The following GALM variants were observed in gnomAD, a reference collection of about 807,000 sequenced individuals.
The protein encoded by GALM is galactose mutarotase.
A neutral mutation model predicts 37.4 loss-of-function variants in GALM; 43 were observed. The observed-to-expected ratio is 1.15, with a 90% confidence interval of 0.90 to 1.48. GALM has a LOEUF of 1.48. GALM is among the 40% of genes most tolerant of loss of function. The pLI is 0.00. For synonymous variants in GALM, 199 were observed against 170.6 expected (o/e 1.17, Z -1.30); for missense variants, 456 against 419.1 (o/e 1.09, Z -0.77).
chr2:38,696,889 A>G (rs1665820429), intron 4 of GALM, among the ~76,000 whole-genome samples: 1 of 142,108 alleles, frequency 7.0e-6, no homozygotes, highest in Non-Finnish European at 1.5e-5. Context: ...TCCCATGTTC[A>G]AGCAATCCTC....
At chr2:38,691,392 C>T (rs1032425773) in intron 4 of GALM, among the ~76,000 whole-genome samples, 1 of 152,038 alleles carries the variant, frequency 6.6e-6, no homozygotes, top group African/African-American at 2.4e-5. Context: ...ATAAAACTTG[C>T]GTTCGCTGGG....
At chr2:38,686,415 A>G (rs1319253006) in intron 3 of GALM, among the ~76,000 whole-genome samples, 3 of 151,382 alleles carry the variant, frequency 2.0e-5, no homozygotes, top group South Asian at 2.1e-4. Flanking sequence ...ACAGGCGCCC[A>G]CCACCATGCC....
chr2:38,709,228 A>T (rs997385948), intron 4 of GALM, among the ~76,000 whole-genome samples: 45 of 152,094 alleles, frequency 3.0e-4, no homozygotes, highest in Admixed American at 2.7e-3. Flanking sequence ...CCAGGAGGGG[A>T]GCAGGTCTAG....
At chr2:38,689,779 A>G (rs1225628379) in intron 3 of GALM, 34 bp from the exon 4 acceptor site, 1 of 1,231,332 alleles carries the variant, frequency 8.1e-7, no homozygotes, top group African/African-American at 1.5e-5. Flanking sequence ...AATAAGACTA[A>G]GCAGAAAACC....
chr2:38,704,988 T>C (rs1020526129), intron 4 of GALM, among the ~76,000 whole-genome samples: 1 of 152,210 alleles, frequency 6.6e-6, no homozygotes, highest in Non-Finnish European at 1.5e-5. Context: ...TGTTACAAGA[T>C]TGGCAAACAT....
chr2:38,730,889 C>G (rs566982919), intron 5 of GALM, among the ~76,000 whole-genome samples: 64 of 147,906 alleles, frequency 4.3e-4, no homozygotes, highest in African/African-American at 1.5e-3. Context: ...CCACTGCACT[C>G]CAGGCTAGGC....
chr2:38,691,647 A>C (rs1172560359), intron 4 of GALM, among the ~76,000 whole-genome samples: 1 of 151,682 alleles, frequency 6.6e-6, no homozygotes, highest in African/African-American at 2.4e-5. Flanking sequence ...TCTCTGCTGC[A>C]CTCTACCCTG....
At chr2:38,673,674 G>T (rs1355816027) in intron 1 of GALM, among the ~76,000 whole-genome samples, 2 of 152,104 alleles carry the variant, frequency 1.3e-5, no homozygotes, top group African/African-American at 2.4e-5. Flanking sequence ...GCCGGGCATG[G>T]TGGCGGGTGC....
chr2:38,725,306 A>G (rs1344826669), intron 4 of GALM, among the ~76,000 whole-genome samples: 1 of 152,168 alleles, frequency 6.6e-6, no homozygotes, highest in East Asian at 1.9e-4. Context: ...AGGCTGAGGC[A>G]GGAGGATTGC....
At chr2:38,669,898 T>C (rs1046601646) in intron 1 of GALM, among the ~76,000 whole-genome samples, 1 of 89,138 alleles carries the variant, frequency 1.1e-5, no homozygotes, top group African/African-American at 9.6e-5. Context: ...AGTTTTTCTT[T>C]TTTTTTTTTT....
chr2:38,718,798 T>A (rs1248888958), intron 4 of GALM, among the ~76,000 whole-genome samples: 1 of 151,780 alleles, frequency 6.6e-6, no homozygotes, highest in Non-Finnish European at 1.5e-5. Flanking sequence ...TACAGCATCA[T>A]TACCGTCTGT....
intron 5 of GALM, among the ~76,000 whole-genome samples, chr2:38,730,843 C>T (rs1666592554): frequency 1.3e-5 from 2 of 151,792 alleles, no homozygotes; most frequent in Admixed American, 1.3e-4. Context: ...ATCACTTGAA[C>T]CCAGGGGGTG....
chr2:38,668,430 C>G (rs1289473874), intron 1 of GALM: 1 of 152,170 alleles, frequency 6.6e-6, no homozygotes, highest in African/African-American at 2.4e-5. Flanking sequence ...ATACAACACT[C>G]TGTTACTATT....
intron 1 of GALM, among the ~76,000 whole-genome samples, chr2:38,667,029 A>G (rs1471381696): frequency 6.6e-6 from 1 of 152,198 alleles, no homozygotes; most frequent in Non-Finnish European, 1.5e-5. Context: ...ACCTCATTAA[A>G]CAGGACAGAC....
At chr2:38,699,733 A>G (rs1233490693) in intron 4 of GALM, among the ~76,000 whole-genome samples, 1 of 152,188 alleles carries the variant, frequency 6.6e-6, no homozygotes, top group Non-Finnish European at 1.5e-5. Context: ...TATTTGTACA[A>G]TTTCAAAAGT....
At chr2:38,681,192 T>C in intron 2 of GALM, 88 bp from the exon 3 acceptor site, 1 of 1,070,110 alleles carries the variant, frequency 9.3e-7, no homozygotes, top group Non-Finnish European at 1.4e-6. Flanking sequence ...CCATTTTCCT[T>C]GTGAAATCAG....
chr2:38,678,933 A>C (rs1665326585), intron 2 of GALM, among the ~76,000 whole-genome samples: 1 of 152,220 alleles, frequency 6.6e-6, no homozygotes, highest in Non-Finnish European at 1.5e-5. Flanking sequence ...TAGAGGAGAC[A>C]GCCAGTCCTG....
intron 4 of GALM, among the ~76,000 whole-genome samples, chr2:38,708,057 A>C (rs759122154): frequency 2.6e-5 from 4 of 152,058 alleles, no homozygotes; most frequent in Non-Finnish European, 4.4e-5. Flanking sequence ...CAGTGAGCCG[A>C]GGTCATGCCA....
intron 5 of GALM, among the ~76,000 whole-genome samples, chr2:38,731,150 C>T (rs1425079798): frequency 1.3e-5 from 2 of 152,218 alleles, no homozygotes; most frequent in Middle Eastern, 3.4e-3. Flanking sequence ...TTGCTTTAAC[C>T]AAGGGGGCGG....
Sources: gnomAD v4.1 joint callset for allele counts (sites outside exome capture counted in the v4.1 genomes callset) on GRCh38, gnomAD v4.1.1 for gene constraint, MANE v1.5 for transcripts, NCBI Gene and HGNC (gene_info 2026-07-23, HGNC 2026-07-21) for gene names.